The following RORA variants were observed in gnomAD, a reference collection of about 807,000 sequenced individuals.
RORA encodes RAR related orphan receptor A.
RORA carries 7 observed loss-of-function variants against 69.5 expected under a neutral mutation model. The ratio of observed to expected loss-of-function variants is 0.10; its 90% confidence interval spans 0.06 to 0.19. The LOEUF (loss-of-function observed/expected upper bound fraction) is 0.19. Ranked by LOEUF, RORA falls within the 10% of genes least tolerant of loss-of-function variation. RORA has a pLI of 1.00. For synonymous variants in RORA, 261 were observed against 240.8 expected (o/e 1.08, Z -0.78); for missense variants, 457 against 663.0 (o/e 0.69, Z 3.41).
In RORA at chr15:61,018,841, T is replaced by C. The variant is rs1488577157; in HGVS notation, c.166+210212A>G. ...CATAAATGGTAAGGATGTATATGTC[T>C]ATCTCTGCCAAGGCACACATTAAAT... On this transcript the variant is annotated intron_variant, in intron 1 of 10. Transcript: ENST00000335670. Among the ~76,000 whole-genome samples, 3 of 152,196 alleles carry C rather than the reference T, an allele frequency of 2.0e-5. 1 individual carries two copies. The highest frequency in any genetic ancestry group is 4.4e-5 in the Non-Finnish European group (3 of 68,022).
chr15:61,161,307 G>T (rs891926150), intron 1 of RORA, among the ~76,000 whole-genome samples: 2 of 152,154 alleles, frequency 1.3e-5, no homozygotes, highest in African/African-American at 4.8e-5. Context: ...CAGTCACCTT[G>T]ATCCAGGGTT....
intron 5 of RORA, among the ~76,000 whole-genome samples, chr15:60,509,683 C>G (rs2065629599): frequency 6.6e-6 from 1 of 151,840 alleles, no homozygotes; most frequent in African/African-American, 2.4e-5. Flanking sequence ...TGTCAGCTTT[C>G]AATCAAATCC....
At chr15:60,690,415 C>T (rs935249194) in intron 1 of RORA, among the ~76,000 whole-genome samples, 1 of 152,226 alleles carries the variant, frequency 6.6e-6, no homozygotes, top group Non-Finnish European at 1.5e-5. Flanking sequence ...CATGACCCAG[C>T]TCCAGCCATG....
Position 60,901,369 on chromosome 15 carries a change from G to A in RORA, c.167-222683C>T, listed in dbSNP as rs141825713. ...GTACTTTTAGTAGAGATGGGGTTTC[G>A]CCATGCTGGCCAGGCCAGTCTCGAA... On this transcript the variant is annotated intron_variant, in intron 1 of 10. Transcript: ENST00000335670. Among the ~76,000 whole-genome samples the A allele has an allele frequency of 6.7e-3, 1,018 of 152,136 alleles. 5 individuals are homozygous for A. Among genetic ancestry groups the A allele is most frequent in the Middle Eastern group, 0.02 (6 of 294 alleles).
intron 1 of RORA, among the ~76,000 whole-genome samples, chr15:60,823,908 G>A (rs1238014927): frequency 1.3e-5 from 2 of 152,122 alleles, no homozygotes; most frequent in African/African-American, 4.8e-5. Context: ...AATACATCTT[G>A]GGGGTGGCCA....
At chr15:60,505,445 C>G (rs1198139625) in intron 6 of RORA, 63 bp downstream of exon 6, 18 of 1,562,816 alleles carry the variant, frequency 1.2e-5, no homozygotes, top group Non-Finnish European at 1.5e-5. Flanking sequence ...GACCAACTTT[C>G]CTATACCAAC....
rs533460429 is a variant in RORA at position 61,045,912 on chromosome 15, A to C, written c.166+183141T>G. On this transcript the variant is annotated intron_variant, in intron 1 of 10. Transcript: ENST00000335670. Reference sequence around the variant, plus strand: ...AAGGGAAAAGGACTTCGTGGCATGCAGAGAACAACAGGCACAACTATTGTC... The same window carrying C: ...AAGGGAAAAGGACTTCGTGGCATGCCGAGAACAACAGGCACAACTATTGTC... 2.2e-3 allele frequency among the ~76,000 whole-genome samples: 335 copies of C among 152,340 alleles called. 4 individuals carry two copies. The highest frequency in any genetic ancestry group is 7.6e-3 in the African/African-American group (317 of 41,572).
At chr15:60,579,331 C>A (rs973445823) in intron 2 of RORA, among the ~76,000 whole-genome samples, 1 of 152,114 alleles carries the variant, frequency 6.6e-6, no homozygotes, top group Admixed American at 6.5e-5. Context: ...ACATTGAAGA[C>A]CACTACTGTA....
At chr15:60,892,417 T>C (rs148528200) in intron 1 of RORA, among the ~76,000 whole-genome samples, 23 of 152,320 alleles carry the variant, frequency 1.5e-4, no homozygotes, top group Non-Finnish European at 3.2e-4. Flanking sequence ...CTTGAAGCTT[T>C]TGCAATTTTG....
intron 2 of RORA, among the ~76,000 whole-genome samples, chr15:60,555,344 G>A (rs2067326703): frequency 6.6e-6 from 1 of 152,162 alleles, no homozygotes; most frequent in South Asian, 2.1e-4. Context: ...AGAGCTCAAG[G>A]TGGGGAGGTA....
intron 1 of RORA, among the ~76,000 whole-genome samples, chr15:60,705,217 T>G (rs556756913): frequency 1.4e-4 from 22 of 152,246 alleles, no homozygotes; most frequent in African/African-American, 5.3e-4. Flanking sequence ...ACACAGGGCA[T>G]GCTGAACTGG....
intron 1 of RORA, among the ~76,000 whole-genome samples, chr15:61,104,381 T>C (rs1383787642): frequency 2.0e-5 from 3 of 152,222 alleles, no homozygotes; most frequent in Non-Finnish European, 4.4e-5. Context: ...CTTTCCAGGT[T>C]GTGTCAACAG....
rs138801722 is a variant in RORA, at chr15:61,022,798, A to G, written c.166+206255T>C. The stretch of plus-strand genomic sequence containing the variant: ...CTGTCTGGAGGTAGAAGAAAATGGT[A>G]GGTTGAACATAAATGCAGGTTTGCA... On this transcript the variant is annotated intron_variant, in intron 1 of 10. Coordinates refer to ENST00000335670, the MANE Select transcript of RORA (RefSeq NM_134261.3). 4.2e-3 allele frequency among the ~76,000 whole-genome samples: 640 copies of G among 152,276 alleles called. 5 individuals carry two copies. The highest frequency in any genetic ancestry group is 0.014 in the African/African-American group (597 of 41,544).
At chr15:60,673,307 G>A (rs2070502572) in intron 2 of RORA, among the ~76,000 whole-genome samples, 1 of 152,168 alleles carries the variant, frequency 6.6e-6, no homozygotes, top group Non-Finnish European at 1.5e-5. Flanking sequence ...AGAACTGACT[G>A]GCAGGGCCAA....
At chr15:60,841,546 T>C (rs892869554) in intron 1 of RORA, among the ~76,000 whole-genome samples, 1 of 152,220 alleles carries the variant, frequency 6.6e-6, no homozygotes, top group African/African-American at 2.4e-5. Context: ...GCTTCTGACA[T>C]TGCACAGGAA....
rs566364386 is a variant in RORA at position 60,781,310 on chromosome 15, C to G, written c.167-102624G>C. Among the ~76,000 whole-genome samples the G allele has an allele frequency of 9.9e-4, 151 of 152,218 alleles. 1 individual carries two copies. The highest frequency in any genetic ancestry group is 9.6e-4 in the Non-Finnish European group (65 of 67,998). ...ATCCCCTTCCCCTTGAACTTGCATG[C>G]TTTATGGTTAGCAGTGCCTTTGAGG... On this transcript the variant is annotated intron_variant, in intron 1 of 10. Coordinates refer to ENST00000335670, the MANE Select transcript of RORA (RefSeq NM_134261.3).
At chr15:61,127,365 C>G (rs1375967227) in intron 1 of RORA, among the ~76,000 whole-genome samples, 6 of 152,158 alleles carry the variant, frequency 3.9e-5, no homozygotes, top group Non-Finnish European at 8.8e-5. Context: ...AGCATTTAAA[C>G]TGGTGGGATT....
chr15:60,758,564 G>A (rs1287508034), intron 1 of RORA, among the ~76,000 whole-genome samples: 2 of 152,062 alleles, frequency 1.3e-5, no homozygotes, highest in African/African-American at 2.4e-5. Flanking sequence ...GTTGGGGAGT[G>A]GGAATTTTCC....
At chr15:60,566,557 T>G (rs1470804988) in intron 2 of RORA, among the ~76,000 whole-genome samples, 1 of 152,150 alleles carries the variant, frequency 6.6e-6, no homozygotes, top group Non-Finnish European at 1.5e-5. Flanking sequence ...CCCAATAAAG[T>G]TGGGTTCCTA....
Sources: allele counts gnomAD v4.1 joint callset (sites outside exome capture counted in the v4.1 genomes callset), GRCh38; gene constraint gnomAD v4.1.1; transcripts MANE v1.5; gene names NCBI Gene and HGNC (gene_info 2026-07-23, HGNC 2026-07-21).